The following LDAH variants were observed in gnomAD, a reference collection of about 807,000 sequenced individuals.
LDAH encodes lipid droplet-associated hydrolase.
LDAH carries 26 observed loss-of-function variants against 29.6 expected under a neutral mutation model. The observed-to-expected ratio is 0.88, with a 90% CI of 0.64 to 1.22. The LOEUF is 1.22. Among genes scored for constraint, LDAH ranks in the 50% most tolerant of loss-of-function variants. The pLI is 0.00. For missense variants in LDAH, 344 were observed against 387.3 expected, an observed-to-expected ratio of 0.89 and a Z score of 0.94; for synonymous variants, 117 against 133.0, an observed-to-expected ratio of 0.88 and a Z score of 0.83.
intron 5 of LDAH, among the ~76,000 whole-genome samples, chr2:20,713,753 G>A (rs1332139578): frequency 2.6e-5 from 4 of 152,112 alleles, no homozygotes; most frequent in Admixed American, 1.3e-4. Context: ...AGATGAAACA[G>A]ACTTTAAACC....
At chr2:20,700,924 T>C (rs1427478356) in intron 6 of LDAH, among the ~76,000 whole-genome samples, 1 of 152,148 alleles carries the variant, frequency 6.6e-6, no homozygotes, top group African/African-American at 2.4e-5. Context: ...CTAGTGGCTA[T>C]AATATTAGTA....
chr2:20,730,834 T>C (rs1341529888), intron 5 of LDAH, among the ~76,000 whole-genome samples: 1 of 152,184 alleles, frequency 6.6e-6, no homozygotes, highest in African/African-American at 2.4e-5. Flanking sequence ...TGCCCTCTTG[T>C]CAAAAATCAG....
chr2:20,765,811 A>T (rs761032783), intron 4 of LDAH, among the ~76,000 whole-genome samples: 14 of 152,172 alleles, frequency 9.2e-5, no homozygotes, highest in Non-Finnish European at 1.5e-5. Flanking sequence ...GAGAGGGAGG[A>T]AATAGAAGCT....
At chr2:20,780,879 C>G (rs1049976625) in intron 3 of LDAH, among the ~76,000 whole-genome samples, 4 of 152,088 alleles carry the variant, frequency 2.6e-5, no homozygotes, top group Non-Finnish European at 5.9e-5. Flanking sequence ...GCCTTGGGCT[C>G]ATCTAGTCAT....
chr2:20,714,416 A>G (rs529118249), intron 5 of LDAH, among the ~76,000 whole-genome samples: 3 of 152,378 alleles, frequency 2.0e-5, no homozygotes, highest in Admixed American at 2.0e-4. Flanking sequence ...CTAAATACCC[A>G]CACAGGAAAG....
chr2:20,698,389 A>G lies in LDAH; in HGVS notation c.786+3181T>C, dbSNP rs890673632. ...ACACTAGACAAGCAGGATTTAGTCA[A>G]ATGACAAAATAACCTATAGGCCGGG... On this transcript the variant is annotated intron_variant, in intron 6 of 6. Transcript: ENST00000237822. The surrounding 1 kb of genome is among the most constrained non-coding windows in gnomAD (Gnocchi z 4.4). Among the ~76,000 whole-genome samples, 2 of 152,192 alleles carry G rather than the reference A, an allele frequency of 1.3e-5. No homozygotes were observed. The highest frequency in any genetic ancestry group is 4.8e-5 in the African/African-American group (2 of 41,444).
Position 20,808,094 on chromosome 2 carries a change from C to CA in LDAH, c.-2-6630dup, listed in dbSNP as rs749394122. Among the ~76,000 whole-genome samples the CA allele has an allele frequency of 3.3e-5, 5 of 152,112 alleles. No individual in the cohort carries two copies. The South Asian group carries it at 8.3e-4, about 25-fold the overall frequency. Reference sequence around the variant, plus strand: ...TAAAAGAGACCACTTATAACAGCATCAAAAAAATCAAATACTTAGGAATAA... The same window carrying CA: ...TAAAAGAGACCACTTATAACAGCATCAAAAAAAATCAAATACTTAGGAATAA... On this transcript the variant is annotated intron_variant, in intron 1 of 6. Coordinates refer to ENST00000237822, the MANE Select transcript of LDAH (RefSeq NM_021925.4).
chr2:20,701,421 G>T (rs1016711885), intron 6 of LDAH, 149 bp downstream of exon 6: 1 of 644,052 alleles, frequency 1.6e-6, no homozygotes, highest in Non-Finnish European at 2.7e-6. Flanking sequence ...CAACTTTCAG[G>T]GATAATTTCA....
chr2:20,719,174 A>G (rs1481202581), intron 5 of LDAH, among the ~76,000 whole-genome samples: 1 of 148,688 alleles, frequency 6.7e-6, no homozygotes, highest in Admixed American at 6.8e-5. Context: ...CAGAACAGAA[A>G]TAAATAAAAT....
intron 5 of LDAH, among the ~76,000 whole-genome samples, chr2:20,730,370 A>T (rs1666313307): frequency 6.6e-6 from 1 of 152,192 alleles, no homozygotes; most frequent in African/African-American, 2.4e-5. Context: ...CTGCGTGTTT[A>T]GGTTTTTAAC....
chr2:20,740,113 T>C lies in LDAH; in HGVS notation c.561A>G (p.Arg187=), dbSNP rs900623617. Residue 187 remains arginine (R), a synonymous_variant, in exon 5 of 7, where the codon CGA becomes CGG. Transcript: ENST00000237822. The part of the protein sequence containing the change: ...RIATPLLCWF[R]YVLYVTGYLL... ...AGTAGCCAGTAACATAGAGAACATA[T>C]CGAAACCAGCACAAAAGTGGAGTGG... 5 of 1,613,980 alleles carry C rather than the reference T, an allele frequency of 3.1e-6. No individual in the cohort carries two copies. In the African/African-American group the frequency reaches 4.0e-5, roughly 13 times the overall value.
intron 5 of LDAH, among the ~76,000 whole-genome samples, chr2:20,708,908 A>T (rs1664501319): frequency 6.6e-6 from 1 of 152,228 alleles, no homozygotes; most frequent in South Asian, 2.1e-4. Flanking sequence ...ATGGGAAAAG[A>T]TCATATGTCT....
At chr2:20,701,686 A>C (rs1049746424) in intron 5 of LDAH, 34 bp from the exon 6 acceptor site, 1 of 1,545,788 alleles carries the variant, frequency 6.5e-7, no homozygotes, top group South Asian at 1.1e-5. Flanking sequence ...AAACATTTAG[A>C]ATATATAGAA....
intron 6 of LDAH, among the ~76,000 whole-genome samples, chr2:20,688,394 T>A (rs1177450387): frequency 6.6e-6 from 1 of 152,000 alleles, no homozygotes; most frequent in Non-Finnish European, 1.5e-5. Flanking sequence ...AGGGATGAGG[T>A]CATGGACAGC....
rs16987991 is a variant in LDAH, at chr2:20,692,195, G to A, written c.787-5101C>T. Among the ~76,000 whole-genome samples the A allele has an allele frequency of 2.4e-3, 368 of 152,290 alleles. 2 individuals carry two copies. Among genetic ancestry groups the A allele is most frequent in the African/African-American group, 8.5e-3 (353 of 41,558 alleles). The stretch of plus-strand genomic sequence containing the variant: ...CCCTGGAACAGCTCACAGACTAGGC[G>A]AGAGAACAGACCTATATAAACTGGC... On this transcript the variant is annotated intron_variant, in intron 6 of 6. Transcript: ENST00000237822.
At chr2:20,813,416 G>T (rs1672639221) in intron 1 of LDAH, among the ~76,000 whole-genome samples, 1 of 152,290 alleles carries the variant, frequency 6.6e-6, no homozygotes, top group South Asian at 2.1e-4. Flanking sequence ...CCAAGTCAAA[G>T]AGTTTATATA....
At chr2:20,713,725 G>A (rs993894453) in intron 5 of LDAH, among the ~76,000 whole-genome samples, 27 of 152,198 alleles carry the variant, frequency 1.8e-4, no homozygotes, top group African/African-American at 6.3e-4. Context: ...AAAAAGCAGG[G>A]ATTGCAATCC....
At position 20,789,165 on chromosome 2, in the gene LDAH, T is replaced by G. The variant is rs936501151; in HGVS notation, c.298+1090A>C. Reference sequence around the variant, plus strand: ...TGAAAACCAGCTGTAATGGTCTGAATGCTTATATGGCCCCCAAATCCATAG... The same window carrying G: ...TGAAAACCAGCTGTAATGGTCTGAAGGCTTATATGGCCCCCAAATCCATAG... On this transcript the variant is annotated intron_variant, in intron 3 of 6. Coordinates refer to ENST00000237822, the MANE Select transcript of LDAH (RefSeq NM_021925.4). 8.4e-6 allele frequency: 13 copies of G among 1,550,446 alleles called. No individual in the cohort carries two copies. In the African/African-American group the frequency reaches 1.1e-4, roughly 13 times the overall value.
At chr2:20,747,615 T>A (rs531062293) in intron 4 of LDAH, among the ~76,000 whole-genome samples, 1 of 152,148 alleles carries the variant, frequency 6.6e-6, no homozygotes, top group Non-Finnish European at 1.5e-5. Context: ...TTAGTAAGCT[T>A]ATTTACTAAG....
Sources: gnomAD v4.1 joint callset for allele counts (sites outside exome capture counted in the v4.1 genomes callset) on GRCh38, gnomAD v4.1.1 for gene constraint, Gnocchi (gnomAD v3.1) non-coding constraint, MANE v1.5 for transcripts, NCBI Gene and HGNC (gene_info 2026-07-23, HGNC 2026-07-21) for gene names.